Variants in TASP1 observed in about 807,000 individuals in gnomAD.
TASP1 encodes taspase 1.
In TASP1, 16 loss-of-function variants were observed where a neutral mutation model predicts 56.6. That is an observed-to-expected ratio of 0.28 (90% CI 0.19 to 0.43). The LOEUF is 0.43. TASP1 is among the 20% of genes least tolerant of loss of function. The pLI is 1.00. For missense variants in TASP1, 393 were observed against 511.6 expected, an observed-to-expected ratio of 0.77 and a Z score of 2.24; for synonymous variants, 179 against 184.2, an observed-to-expected ratio of 0.97 and a Z score of 0.23.
chr20:13,251,503 T>C, the TASP1 span, among the ~76,000 whole-genome samples: 1 of 152,166 alleles, frequency 6.6e-6, no homozygotes. Context: ...ATTCTGGGGA[T>C]GGATCCTCTG....
At chr20:13,383,825 T>C in the TASP1 span, among the ~76,000 whole-genome samples, 1 of 152,238 alleles carries the variant, frequency 6.6e-6, no homozygotes, top group African/African-American at 2.4e-5. Context: ...TACAGAATTG[T>C]GGGCAAATAA....
At chr20:13,485,577 T>C (rs1026052257) in intron 10 of TASP1, among the ~76,000 whole-genome samples, 5 of 152,212 alleles carry the variant, frequency 3.3e-5, no homozygotes, top group Non-Finnish European at 5.9e-5. Flanking sequence ...TCTTTGTGAA[T>C]GAATACCTAC....
intron 4 of TASP1, among the ~76,000 whole-genome samples, chr20:13,601,676 G>A (rs1160975601): frequency 1.3e-5 from 2 of 152,042 alleles, no homozygotes. Flanking sequence ...GAAGAATACA[G>A]TATATGTGTA....
chr20:13,534,190 A>G (rs2045330037), intron 8 of TASP1, 49 bp from the exon 9 acceptor site: 1 of 1,606,336 alleles, frequency 6.2e-7, no homozygotes, highest in African/African-American at 1.3e-5. Flanking sequence ...GAGTGGGACA[A>G]TCTGATATGA....
At chr20:13,207,120 C>T in the TASP1 span, among the ~76,000 whole-genome samples, 1 of 152,170 alleles carries the variant, frequency 6.6e-6, no homozygotes, top group African/African-American at 2.4e-5. Flanking sequence ...GCATAACAAT[C>T]ACTCTATAAC....
At chr20:13,375,772 C>T in the TASP1 span, among the ~76,000 whole-genome samples, 1 of 152,176 alleles carries the variant, frequency 6.6e-6, no homozygotes, top group African/African-American at 2.4e-5. Flanking sequence ...TAATGATTGC[C>T]ATTCTAACTG....
At chr20:13,180,512 C>T in the TASP1 span, among the ~76,000 whole-genome samples, 5 of 152,202 alleles carry the variant, frequency 3.3e-5, no homozygotes, top group Non-Finnish European at 7.3e-5. Flanking sequence ...CTTCAGACTG[C>T]TGTCTCCTCT....
At chr20:13,381,809 CTTCT>C in the TASP1 span, among the ~76,000 whole-genome samples, 2 of 152,192 alleles carry the variant, frequency 1.3e-5, no homozygotes, top group African/African-American at 4.8e-5. Context: ...AGCCTCTGGT[CTTCT>C]TTGTTTGCCC....
intron 4 of TASP1, among the ~76,000 whole-genome samples, chr20:13,589,222 T>A (rs1305156839): frequency 6.6e-6 from 1 of 151,990 alleles, no homozygotes; most frequent in African/African-American, 2.4e-5. Context: ...CATGCCCAGC[T>A]AATTTTTTGT....
At chr20:13,184,613 T>C in the TASP1 span, among the ~76,000 whole-genome samples, 2 of 152,214 alleles carry the variant, frequency 1.3e-5, no homozygotes, top group Admixed American at 1.3e-4. Flanking sequence ...TGTCATGGAC[T>C]TATGGGCATA....
At chr20:13,288,160 CCT>C in the TASP1 span, among the ~76,000 whole-genome samples, 1 of 152,084 alleles carries the variant, frequency 6.6e-6, no homozygotes, top group Non-Finnish European at 1.5e-5. Flanking sequence ...AATAGATTCT[CCT>C]CTCTCTCTCT....
At chr20:13,159,221 C>T in the TASP1 span, among the ~76,000 whole-genome samples, 3 of 152,316 alleles carry the variant, frequency 2.0e-5, no homozygotes, top group African/African-American at 4.8e-5. Context: ...GAAGGTTTTA[C>T]TCTGCATCAG....
the TASP1 span, among the ~76,000 whole-genome samples, chr20:13,156,630 T>C: frequency 6.6e-6 from 1 of 152,218 alleles, no homozygotes; most frequent in African/African-American, 2.4e-5. Context: ...ATGTTACCTC[T>C]TATATAAGAG....
At chr20:13,369,748 G>A in the TASP1 span, among the ~76,000 whole-genome samples, 1 of 152,212 alleles carries the variant, frequency 6.6e-6, no homozygotes, top group African/African-American at 2.4e-5. Context: ...TGACAACTCA[G>A]ATGATGGCTA....
chr20:13,368,877 G>A, the TASP1 span, among the ~76,000 whole-genome samples: 1 of 152,158 alleles, frequency 6.6e-6, no homozygotes, highest in Admixed American at 6.5e-5. Context: ...CTAGACTTGA[G>A]TTTCTCACAC....
At chr20:13,331,528 A>G in the TASP1 span, among the ~76,000 whole-genome samples, 1 of 152,222 alleles carries the variant, frequency 6.6e-6, no homozygotes, top group African/African-American at 2.4e-5. Flanking sequence ...TCTGATAAAG[A>G]AAAGTCTCAG....
chr20:13,578,689 A>C (rs760883020), intron 6 of TASP1, among the ~76,000 whole-genome samples: 1 of 152,224 alleles, frequency 6.6e-6, no homozygotes, highest in Non-Finnish European at 1.5e-5. Context: ...TTGCCCCAAC[A>C]CAATTTATTT....
chr20:13,132,334 G>A, the TASP1 span, among the ~76,000 whole-genome samples: 3 of 151,534 alleles, frequency 2.0e-5, no homozygotes, highest in South Asian at 2.1e-4. Flanking sequence ...CCACCGCCAC[G>A]CCCAGCTAAT....
the TASP1 span, among the ~76,000 whole-genome samples, chr20:13,212,684 T>C: frequency 6.6e-6 from 1 of 152,218 alleles, no homozygotes. Context: ...GGTTATTTAC[T>C]AAACTACAAT....
Sources: gnomAD v4.1 joint callset for allele counts (sites outside exome capture counted in the v4.1 genomes callset) on GRCh38, gnomAD v4.1.1 for gene constraint, MANE v1.5 for transcripts, NCBI Gene and HGNC (gene_info 2026-07-23, HGNC 2026-07-21) for gene names.